The following CRYBG1 variants were observed in gnomAD, a reference collection of about 807,000 sequenced individuals.
The protein encoded by CRYBG1 is beta/gamma crystallin domain-containing protein 1.
CRYBG1 carries 139 observed loss-of-function variants against 189.2 expected under a neutral mutation model. The observed-to-expected ratio is 0.73, with a 90% CI of 0.64 to 0.85. The LOEUF (loss-of-function observed/expected upper bound fraction) is 0.85, where lower values mean the gene tolerates loss of function less well. CRYBG1 is among the 40% of genes least tolerant of loss of function. The pLI, the probability that CRYBG1 is intolerant of heterozygous loss-of-function variation, is 0.00. For synonymous variants in CRYBG1, 1,023 were observed against 1,017.1 expected (o/e 1.01, Z -0.11); for missense variants, 2,611 against 2,675.8 (o/e 0.98, Z 0.53).
intron 21 of CRYBG1, among the ~76,000 whole-genome samples, chr6:106,566,140 G>A (rs1180507690): frequency 2.0e-5 from 3 of 150,222 alleles, no homozygotes; most frequent in Non-Finnish European, 4.4e-5. Flanking sequence ...TGCCAGGCTC[G>A]GTGCTAGACA....
chr6:106,525,350 T>C lies in CRYBG1; in HGVS notation c.4376T>C (p.Leu1459Pro), dbSNP rs549309565. The C allele has an allele frequency of 2.4e-5, 38 of 1,614,108 alleles. No homozygotes were observed. The African/African-American group carries it at 4.8e-4, about 20-fold the overall frequency. ...ATTCAGGATTGCAGTTCTTGGAGCCTCTCTCCAGTGATACTCATAAAAGTT... is the reference window on the plus strand; with the variant it reads ...ATTCAGGATTGCAGTTCTTGGAGCCCCTCTCCAGTGATACTCATAAAAGTT... ...SDIQDCSSWS[L>P]SPVILIKVVR... is the part of the protein sequence containing the mutation. The change falls in exon 6 of 22, where the codon CTC becomes CCC. Residue 1459 changes from leucine (L) to proline (P), a missense_variant. By Grantham distance (98) the Leu-to-Pro change is moderately conservative. Transcript: ENST00000633556.
chr6:106,397,072 G>C (rs1770627835), intron 1 of CRYBG1, among the ~76,000 whole-genome samples: 1 of 152,198 alleles, frequency 6.6e-6, no homozygotes, highest in African/African-American at 2.4e-5. Context: ...ATAATATTAA[G>C]AGCTATATTT....
chr6:106,453,452 C>T (rs1185997419), intron 2 of CRYBG1, among the ~76,000 whole-genome samples: 1 of 152,088 alleles, frequency 6.6e-6, no homozygotes, highest in Non-Finnish European at 1.5e-5. Context: ...TTTATACTTA[C>T]TTTCAAGTTG....
chr6:106,422,244 G>T (rs897308342), intron 1 of CRYBG1, among the ~76,000 whole-genome samples: 8 of 147,442 alleles, frequency 5.4e-5, no homozygotes, highest in Non-Finnish European at 7.4e-5. Flanking sequence ...GTCTTCACAT[G>T]ACCAAGTAGT....
chr6:106,439,476 G>A (rs1333637897), intron 1 of CRYBG1, among the ~76,000 whole-genome samples: 1 of 152,084 alleles, frequency 6.6e-6, no homozygotes, highest in Non-Finnish European at 1.5e-5. Flanking sequence ...GTGTTAGATT[G>A]TGCCCAATTT....
At chr6:106,448,006 A>T (rs997651837) in intron 1 of CRYBG1, among the ~76,000 whole-genome samples, 2 of 152,222 alleles carry the variant, frequency 1.3e-5, no homozygotes. Flanking sequence ...AAACTTGTCC[A>T]GTAAGCTTGC....
intron 2 of CRYBG1, among the ~76,000 whole-genome samples, chr6:106,461,660 A>G (rs1036187187): frequency 6.6e-6 from 1 of 152,162 alleles, no homozygotes; most frequent in African/African-American, 2.4e-5. Flanking sequence ...CACTGGCTGC[A>G]GTGACTCACT....
intron 1 of CRYBG1, among the ~76,000 whole-genome samples, chr6:106,393,680 CT>C (rs3047147): frequency 0.024 from 3,459 of 142,086 alleles, 117 homozygotes; most frequent in African/African-American, 0.082. Context: ...TTTCCTCTTC[CT>C]TTTTTTTTTT....
At chr6:106,415,118 A>G (rs556059383) in intron 1 of CRYBG1, among the ~76,000 whole-genome samples, 20 of 152,320 alleles carry the variant, frequency 1.3e-4, no homozygotes, top group African/African-American at 4.8e-4. Context: ...GTTGTCATTA[A>G]TATGCAAAGT....
At chr6:106,462,688 T>C (rs1027806970) in intron 2 of CRYBG1, among the ~76,000 whole-genome samples, 2 of 152,224 alleles carry the variant, frequency 1.3e-5, no homozygotes, top group African/African-American at 4.8e-5. Flanking sequence ...AATCATATGG[T>C]AATAAATCAC....
chr6:106,394,439 T>A (rs1393007375), intron 1 of CRYBG1, among the ~76,000 whole-genome samples: 1 of 152,242 alleles, frequency 6.6e-6, no homozygotes, highest in Non-Finnish European at 1.5e-5. Flanking sequence ...AAAAATGCTT[T>A]TTCTTGCACA....
At chr6:106,395,699 C>G (rs1770589891) in intron 1 of CRYBG1, among the ~76,000 whole-genome samples, 1 of 151,956 alleles carries the variant, frequency 6.6e-6, no homozygotes, top group Admixed American at 6.6e-5. Flanking sequence ...GTGATTTTGC[C>G]ATCCCTGAAG....
At chr6:106,495,090 T>C (rs1305313849) in intron 2 of CRYBG1, among the ~76,000 whole-genome samples, 2 of 152,210 alleles carry the variant, frequency 1.3e-5, no homozygotes, top group African/African-American at 4.8e-5. Flanking sequence ...CAATTTTGGT[T>C]CAGTGTCACA....
intron 2 of CRYBG1, among the ~76,000 whole-genome samples, chr6:106,493,279 T>C (rs2114496497): frequency 6.6e-6 from 1 of 152,294 alleles, no homozygotes; most frequent in South Asian, 2.1e-4. Context: ...ATTAGAGAAA[T>C]GCAAATTAAA....
chr6:106,568,703 CT>C lies in CRYBG1; in HGVS notation c.*138del. The C allele has an allele frequency of 1.7e-6, 1 of 602,822 alleles. No homozygotes were observed. The highest frequency in any genetic ancestry group is 2.9e-6 in the Non-Finnish European group (1 of 340,880). 37.3% of individuals were successfully genotyped at this position (602,822 alleles called of 1,614,324 possible). A position where few individuals can be genotyped will look rare whatever the true frequency, so the allele number is the denominator to read the frequency against. On this transcript the variant is annotated 3_prime_UTR_variant, in exon 22 of 22. Transcript: ENST00000633556. ...ATTCTAAATTCAACCTTAAATCATG[CT>C]GCCATGACTCAGAGAACTTACTCAT...
At chr6:106,463,239 G>GAA (rs59862615) in intron 2 of CRYBG1, among the ~76,000 whole-genome samples, 3 of 139,248 alleles carry the variant, frequency 2.2e-5, no homozygotes, top group Admixed American at 7.1e-5. Flanking sequence ...AGGCAGGAAA[G>GAA]AAAAAAAAAA....
At chr6:106,366,090 A>G (rs1036859761) in intron 1 of CRYBG1, among the ~76,000 whole-genome samples, 2 of 152,214 alleles carry the variant, frequency 1.3e-5, no homozygotes, top group African/African-American at 4.8e-5. Context: ...AAGAACAATC[A>G]TTTAAAATGT....
At chr6:106,435,571 G>A (rs766587811) in intron 1 of CRYBG1, among the ~76,000 whole-genome samples, 24 of 151,926 alleles carry the variant, frequency 1.6e-4, no homozygotes, top group Non-Finnish European at 3.4e-4. Flanking sequence ...CTGCAGTATT[G>A]TTTTCCTTGC....
intron 2 of CRYBG1, among the ~76,000 whole-genome samples, chr6:106,499,732 T>C (rs1772959857): frequency 6.6e-6 from 1 of 152,182 alleles, no homozygotes; most frequent in South Asian, 2.1e-4. Flanking sequence ...TACATTAGTA[T>C]TAACTATGGT....
Sources: gnomAD v4.1 joint callset for allele counts (sites outside exome capture counted in the v4.1 genomes callset) on GRCh38, gnomAD v4.1.1 for gene constraint, MANE v1.5 for transcripts, NCBI Gene and HGNC (gene_info 2026-07-23, HGNC 2026-07-21) for gene names.